Variants in SLC16A7 observed in about 807,000 individuals in gnomAD.
The protein encoded by SLC16A7 is solute carrier family 16 member 7.
Under a neutral mutation model 34.9 loss-of-function variants are expected in SLC16A7, and 33 were observed. The ratio of observed to expected loss-of-function variants is 0.94; its 90% CI spans 0.72 to 1.26. The LOEUF (loss-of-function observed/expected upper bound fraction) is 1.26, where lower values mean the gene tolerates loss of function less well. Among genes scored for constraint, SLC16A7 ranks in the 50% most tolerant of loss-of-function variants. SLC16A7 has a pLI of 0.00. For missense variants in SLC16A7, 573 were observed against 578.1 expected, an observed-to-expected ratio of 0.99 and a Z score of 0.09; for synonymous variants, 201 against 206.6, an observed-to-expected ratio of 0.97 and a Z score of 0.23.
At chr12:59,695,495 G>A (rs1872181657) in intron 2 of SLC16A7, among the ~76,000 whole-genome samples, 1 of 151,880 alleles carries the variant, frequency 6.6e-6, no homozygotes, top group South Asian at 2.1e-4. Context: ...TAGACCTTTA[G>A]TTCCATCCTT....
intron 2 of SLC16A7, among the ~76,000 whole-genome samples, chr12:59,695,583 C>T (rs182195391): frequency 6.6e-6 from 1 of 152,182 alleles, no homozygotes; most frequent in East Asian, 1.9e-4. Flanking sequence ...TTCTCATGGA[C>T]TTGGCATGCA....
intron 3 of SLC16A7, among the ~76,000 whole-genome samples, chr12:59,761,417 T>C (rs764968950): frequency 3.8e-4 from 58 of 152,236 alleles, no homozygotes; most frequent in Non-Finnish European, 5.3e-4. Flanking sequence ...TATGACTCTC[T>C]AGTAATTTGT....
At chr12:59,686,885 C>A (rs1871202207) in intron 2 of SLC16A7, among the ~76,000 whole-genome samples, 1 of 151,886 alleles carries the variant, frequency 6.6e-6, no homozygotes, top group African/African-American at 2.4e-5. Context: ...ATGGTGACTG[C>A]AGTTAATAAC....
intron 2 of SLC16A7, among the ~76,000 whole-genome samples, chr12:59,702,076 G>A (rs1872954029): frequency 6.6e-6 from 1 of 151,378 alleles, no homozygotes; most frequent in Non-Finnish European, 1.5e-5. Context: ...ATTCTTCTAG[G>A]GTTTCTTTTT....
chr12:59,601,629 C>T (rs73357268), intron 1 of SLC16A7, among the ~76,000 whole-genome samples: 2,605 of 152,076 alleles, frequency 0.017, 81 homozygotes, highest in African/African-American at 0.06. Context: ...ATTTGGGCTG[C>T]GATAACAAAC....
intron 3 of SLC16A7, among the ~76,000 whole-genome samples, chr12:59,718,588 A>G (rs1283905362): frequency 2.0e-5 from 3 of 152,180 alleles, no homozygotes; most frequent in Non-Finnish European, 4.4e-5. Context: ...ATATCTCATA[A>G]TTAAATACAA....
At chr12:59,751,332 G>C (rs1592639372) in intron 3 of SLC16A7, among the ~76,000 whole-genome samples, 2 of 152,206 alleles carry the variant, frequency 1.3e-5, no homozygotes, top group African/African-American at 4.8e-5. Context: ...CAAGGGGTCA[G>C]GGAGTTCCCT....
chr12:59,676,921 A>T (rs1198897565), intron 2 of SLC16A7, among the ~76,000 whole-genome samples: 1 of 152,178 alleles, frequency 6.6e-6, no homozygotes, highest in Non-Finnish European at 1.5e-5. Flanking sequence ...TATCCAGAGG[A>T]CTACCATTCA....
chr12:59,773,569 A>C, intron 4 of SLC16A7, among the ~76,000 whole-genome samples: 1 of 148,178 alleles, frequency 6.7e-6, no homozygotes, highest in East Asian at 2.0e-4. Flanking sequence ...AAACCAATGT[A>C]CTTTTTTTTT....
At chr12:59,613,482 A>G (rs1024003765) in intron 1 of SLC16A7, among the ~76,000 whole-genome samples, 1 of 152,184 alleles carries the variant, frequency 6.6e-6, no homozygotes, top group African/African-American at 2.4e-5. Flanking sequence ...AGTTTTGGGG[A>G]CATATATATT....
intron 1 of SLC16A7, among the ~76,000 whole-genome samples, chr12:59,630,809 T>C (rs996691501): frequency 1.3e-5 from 2 of 151,920 alleles, no homozygotes; most frequent in African/African-American, 2.4e-5. Context: ...CTTGATAAGA[T>C]TAAATGATTA....
At chr12:59,748,812 T>C (rs77102172) in intron 3 of SLC16A7, among the ~76,000 whole-genome samples, 4,619 of 152,284 alleles carry the variant, frequency 0.03, 157 homozygotes, top group African/African-American at 0.078. Flanking sequence ...CTATAAGACT[T>C]ACCTATAGAT....
chr12:59,652,785 T>C (rs1339239510), intron 1 of SLC16A7, among the ~76,000 whole-genome samples: 1 of 151,804 alleles, frequency 6.6e-6, no homozygotes, highest in African/African-American at 2.4e-5. Context: ...ACTTTTGCTG[T>C]TGGTTTTATA....
At chr12:59,653,834 C>A (rs889279395) in intron 1 of SLC16A7, among the ~76,000 whole-genome samples, 1 of 151,606 alleles carries the variant, frequency 6.6e-6, no homozygotes, top group African/African-American at 2.4e-5. Context: ...TGACCTCAGA[C>A]TATTTCTGTT....
chr12:59,771,114 A>T, intron 3 of SLC16A7, 105 bp from the exon 4 acceptor site: 1 of 1,058,088 alleles, frequency 9.5e-7, no homozygotes, highest in Non-Finnish European at 1.4e-6. Context: ...TTCTCCTCTG[A>T]CCATTAAAAT....
chr12:59,675,056 G>C lies in SLC16A7; in HGVS notation c.-31+19806G>C, dbSNP rs563944824. Among the ~76,000 whole-genome samples, 44 of 152,204 alleles carry C rather than the reference G, an allele frequency of 2.9e-4. 3 individuals are homozygous for C. The highest frequency in any genetic ancestry group is 6.5e-5 in the Admixed American group (1 of 15,282). On this transcript the variant is annotated intron_variant, in intron 2 of 5. Coordinates refer to ENST00000547379, the MANE Select transcript of SLC16A7 (RefSeq NM_001270623.2). ...ACAAGGGCAATGATAGAACAAGGCC[G>C]TATGCCTGTCATTATCCAGCAGGCT... is the stretch of plus-strand genomic sequence containing the variant.
chr12:59,721,297 C>T (rs537931415), intron 3 of SLC16A7, among the ~76,000 whole-genome samples: 1 of 151,952 alleles, frequency 6.6e-6, no homozygotes, highest in Non-Finnish European at 1.5e-5. Flanking sequence ...CTTCTACTAC[C>T]ACATTCTCCT....
intron 2 of SLC16A7, among the ~76,000 whole-genome samples, chr12:59,672,398 T>G (rs1444617739): frequency 1.3e-5 from 2 of 151,656 alleles, no homozygotes; most frequent in African/African-American, 4.8e-5. Flanking sequence ...GGACCAGCGC[T>G]AGGCCTGTAT....
At chr12:59,671,009 T>A (rs1181824910) in intron 2 of SLC16A7, among the ~76,000 whole-genome samples, 29 of 152,170 alleles carry the variant, frequency 1.9e-4, no homozygotes, top group Admixed American at 1.9e-3. Flanking sequence ...GCTGATAAAA[T>A]AATTTCAAAA....
Sources: allele counts gnomAD v4.1 joint callset (sites outside exome capture counted in the v4.1 genomes callset), GRCh38; gene constraint gnomAD v4.1.1; transcripts MANE v1.5; gene names NCBI Gene and HGNC (gene_info 2026-07-23, HGNC 2026-07-21).